Variants in LYST observed in about 807,000 individuals in gnomAD.
The protein encoded by LYST is lysosomal-trafficking regulator.
A neutral mutation model predicts 413.6 loss-of-function variants in LYST; 192 were observed. That is an observed-to-expected ratio of 0.46 (90% CI 0.41 to 0.52). The LOEUF (loss-of-function observed/expected upper bound fraction) is 0.52, where lower values mean the gene tolerates loss of function less well. Among genes scored for constraint, LYST ranks in the 20% least tolerant of loss-of-function variants. LYST has a pLI of 0.00. For missense variants in LYST, 3,815 were observed against 4,499.9 expected, an observed-to-expected ratio of 0.85 and a Z score of 4.35; for synonymous variants, 1,525 against 1,567.3, an observed-to-expected ratio of 0.97 and a Z score of 0.64.
Position 235,775,083 on chromosome 1 carries a change from C to T in LYST, c.5464G>A (p.Val1822Ile), listed in dbSNP as rs1486730949. 1 of 1,604,910 alleles carries T rather than the reference C, an allele frequency of 6.2e-7. No homozygotes were observed. The highest frequency in any genetic ancestry group is 2.2e-5 in the East Asian group (1 of 44,646). ...GIFVFLFARVVELSSCEETQA... is the reference protein window; with the variant it reads ...GIFVFLFARVIELSSCEETQA... ...GTTTCTTCACAGCTACTGAGTTCAA[C>T]AACCTAAAAAAAAAAATGGGTGGAT... Residue 1822 changes from valine to isoleucine, a missense_variant, in exon 18 of 53, where the codon GTT becomes ATT. This residue lies in a region of LYST where 530 missense variants were observed against 696.5 expected (regional missense o/e 0.76). Coordinates refer to ENST00000389793, the MANE Select transcript of LYST (RefSeq NM_000081.4).
intron 1 of LYST, among the ~76,000 whole-genome samples, chr1:235,845,961 C>A (rs1342227690): frequency 1.3e-5 from 2 of 152,072 alleles, no homozygotes; most frequent in Non-Finnish European, 1.5e-5. Context: ...CCCTGCCCAC[C>A]GCATATCTTT....
chr1:235,866,688 T>C (rs1572501610), intron 1 of LYST, among the ~76,000 whole-genome samples, 155 bp downstream of exon 1: 1 of 151,442 alleles, frequency 6.6e-6, no homozygotes, highest in East Asian at 2.0e-4. Context: ...TCAGGCCGAG[T>C]GCCCTCGCGC....
At chr1:235,777,859 A>G (rs1486853495) in intron 16 of LYST, among the ~76,000 whole-genome samples, 1 of 152,074 alleles carries the variant, frequency 6.6e-6, no homozygotes, top group Non-Finnish European at 1.5e-5. Flanking sequence ...AGTTTCCATC[A>G]GTGTGTGGCT....
rs573158274 is a variant in LYST, at chr1:235,815,743, T to C, written c.193-2682A>G. Among the ~76,000 whole-genome samples the C allele has an allele frequency of 2.9e-3, 443 of 152,270 alleles. 2 individuals are homozygous for C. Among genetic ancestry groups the C allele is most frequent in the African/African-American group, 0.01 (421 of 41,538 alleles). On this transcript the variant is annotated intron_variant, in intron 3 of 52. Transcript: ENST00000389793. ...CAGCTAACCAGGAAGGTGAAAGATT[T>C]CTACAATGAGAATTACAAAACATTG...
At chr1:235,814,942 G>A (rs1673885373) in intron 3 of LYST, among the ~76,000 whole-genome samples, 1 of 152,094 alleles carries the variant, frequency 6.6e-6, no homozygotes, top group African/African-American at 2.4e-5. Flanking sequence ...ACTGGTCTCT[G>A]TGCTCCCAAT....
chr1:235,716,658 T>C (rs1662861395), intron 41 of LYST, 54 bp downstream of exon 41: 1 of 1,187,658 alleles, frequency 8.4e-7, no homozygotes, highest in Non-Finnish European at 1.3e-6. Context: ...CACAAGTCTG[T>C]AAAACAAAAC....
intron 38 of LYST, among the ~76,000 whole-genome samples, chr1:235,726,703 T>C (rs1438381277): frequency 6.6e-6 from 1 of 152,224 alleles, no homozygotes; most frequent in Admixed American, 6.5e-5. Flanking sequence ...ATTTATAGCA[T>C]GCAAGTTGAC....
intron 31 of LYST, among the ~76,000 whole-genome samples, chr1:235,740,172 C>T (rs1277222219): frequency 6.6e-6 from 1 of 152,120 alleles, no homozygotes; most frequent in African/African-American, 2.4e-5. Context: ...TAAAAGTATT[C>T]CTTCCAGATA....
chr1:235,813,478 G>A (rs537843746), intron 3 of LYST, among the ~76,000 whole-genome samples: 5 of 152,058 alleles, frequency 3.3e-5, no homozygotes, highest in African/African-American at 7.2e-5. Context: ...ACTCAGAGAC[G>A]ATTTTAAAAG....
rs552741276 is a variant in LYST, at chr1:235,744,116, T to C, written c.8014A>G (p.Asn2672Asp). Reference sequence around the variant, plus strand: ...ACTGAGGTCTTGCTTTGAGTTACATTTTCTGGAGTTCTCAAAATGTCAATA... The same window carrying C: ...ACTGAGGTCTTGCTTTGAGTTACATCTTCTGGAGTTCTCAAAATGTCAATA... ...DIIDILRTPE[N>D]VTQSKTSVFQ... Residue 2672 changes from asparagine (N) to aspartate (D), a missense_variant, in exon 30 of 53, where the codon AAT becomes GAT. By Grantham distance (23) the Asn-to-Asp change is conservative. Coordinates refer to ENST00000389793, the MANE Select transcript of LYST (RefSeq NM_000081.4). 1.2e-6 allele frequency: 2 copies of C among 1,600,734 alleles called. No individual in the cohort carries two copies. The highest frequency in any genetic ancestry group is 1.3e-5 in the African/African-American group (1 of 74,710).
At chr1:235,853,767 A>T (rs369729439) in intron 1 of LYST, among the ~76,000 whole-genome samples, 9 of 152,204 alleles carry the variant, frequency 5.9e-5, no homozygotes, top group South Asian at 2.1e-4. Flanking sequence ...AATAAAGGAA[A>T]CTCAGGCATA....
At chr1:235,791,138 C>T (rs1402753584) in intron 12 of LYST, among the ~76,000 whole-genome samples, 1 of 152,030 alleles carries the variant, frequency 6.6e-6, no homozygotes, top group African/African-American at 2.4e-5. Flanking sequence ...ATAAAATTAG[C>T]CAGGTGTGAT....
Position 235,755,528 on chromosome 1 carries a change from T to C in LYST, c.7179A>G (p.Leu2393=). Residue 2393 remains leucine (L), a synonymous_variant, in exon 25 of 53, where the codon TTA becomes TTG. Transcript: ENST00000389793. The part of the protein sequence containing the change: ...LYLHRGTQEL[L]ECFIEMFFGR... The stretch of plus-strand genomic sequence containing the variant: ...CAAAGAACATTTCGATGAAGCATTC[T>C]AACAATTCTTGAGTTCCTCGATGAA... 1 of 1,613,900 alleles carries C rather than the reference T, an allele frequency of 6.2e-7. No homozygotes were observed. The highest frequency in any genetic ancestry group is 1.7e-5 in the Admixed American group (1 of 60,034).
chr1:235,770,372 A>G, intron 19 of LYST, 75 bp from the exon 20 acceptor site: 2 of 1,265,552 alleles, frequency 1.6e-6, no homozygotes, highest in Non-Finnish European at 2.3e-6. Context: ...AAGACACACA[A>G]CGCGCAACAA....
intron 34 of LYST, 131 bp from the exon 35 acceptor site, chr1:235,731,308 T>A (rs1664358387): frequency 3.7e-6 from 3 of 808,298 alleles, no homozygotes; most frequent in Admixed American, 2.0e-5. Flanking sequence ...AATGTTTATA[T>A]ATTTGATCAG....
chr1:235,872,379 C>A (rs969484710), intron 1 of LYST, among the ~76,000 whole-genome samples: 1 of 151,534 alleles, frequency 6.6e-6, no homozygotes, highest in Non-Finnish European at 1.5e-5. Context: ...GAAAACTGCC[C>A]ATTTTTCTGC....
intron 50 of LYST, among the ~76,000 whole-genome samples, chr1:235,666,638 G>T (rs895703166): frequency 1.0e-5 from 1 of 100,108 alleles, no homozygotes; most frequent in African/African-American, 3.8e-5. Flanking sequence ...ACACACACAT[G>T]CCCAATGTTC....
At chr1:235,824,078 T>C (rs572464536) in intron 3 of LYST, among the ~76,000 whole-genome samples, 1 of 152,342 alleles carries the variant, frequency 6.6e-6, no homozygotes, top group African/African-American at 2.4e-5. Context: ...GTACTATACA[T>C]TGAAGTGATA....
At chr1:235,751,984 T>C in intron 27 of LYST, 21 bp downstream of exon 27, 1 of 1,574,760 alleles carries the variant, frequency 6.4e-7, no homozygotes, top group Non-Finnish European at 8.7e-7. Flanking sequence ...CCTCCCCAAA[T>C]TCATAAAAAT....
Sources: allele counts gnomAD v4.1 joint callset (sites outside exome capture counted in the v4.1 genomes callset), GRCh38; gene constraint gnomAD v4.1.1; regional missense constraint gnomAD v4.1.1; transcripts MANE v1.5; gene names NCBI Gene and HGNC (gene_info 2026-07-23, HGNC 2026-07-21).